ADARB2: variants seen among roughly 807,000 people sequenced by gnomAD.
ADARB2 encodes the protein inactive double-stranded RNA-specific editase B2.
ADARB2 carries 25 observed loss-of-function variants against 62.2 expected under a neutral mutation model. The ratio of observed to expected loss-of-function variants is 0.40; its 90% CI spans 0.29 to 0.56. The LOEUF is 0.56. Among genes scored for constraint, ADARB2 ranks in the 20% least tolerant of loss-of-function variants. ADARB2 has a pLI of 0.43. For synonymous variants in ADARB2, 572 were observed against 500.8 expected, an observed-to-expected ratio of 1.14 and a Z score of -1.90; for missense variants, 1,071 against 1,077.4, an observed-to-expected ratio of 0.99 and a Z score of 0.08.
chr10:1,218,843 G>T (rs1830655810), intron 6 of ADARB2, among the ~76,000 whole-genome samples: 1 of 151,596 alleles, frequency 6.6e-6, no homozygotes. Context: ...AGGAGATTGA[G>T]ATCATCTTGG....
At chr10:1,692,539 G>A (rs1306018648) in intron 1 of ADARB2, among the ~76,000 whole-genome samples, 1 of 152,168 alleles carries the variant, frequency 6.6e-6, no homozygotes, top group African/African-American at 2.4e-5. Flanking sequence ...GAAAAGGCTG[G>A]CAGACTACGG....
intron 3 of ADARB2, among the ~76,000 whole-genome samples, chr10:1,336,108 T>C (rs1831973367): frequency 6.6e-6 from 1 of 152,250 alleles, no homozygotes; most frequent in African/African-American, 2.4e-5. Context: ...TTCGAATTCA[T>C]GGAGTGCATA....
intron 1 of ADARB2, among the ~76,000 whole-genome samples, chr10:1,443,887 G>C (rs775727283): frequency 5.9e-5 from 9 of 152,126 alleles, no homozygotes; most frequent in Non-Finnish European, 1.3e-4. Context: ...TATTCAGCAT[G>C]GGGGAGTACA....
intron 4 of ADARB2, among the ~76,000 whole-genome samples, chr10:1,254,310 C>T (rs1310187545): frequency 2.6e-5 from 4 of 152,146 alleles, no homozygotes; most frequent in Admixed American, 2.0e-4. Flanking sequence ...GGTGACATCA[C>T]CAGAACCGTC....
chr10:1,312,562 T>G (rs1476664947), intron 3 of ADARB2, among the ~76,000 whole-genome samples: 1 of 152,230 alleles, frequency 6.6e-6, no homozygotes, highest in Non-Finnish European at 1.5e-5. Context: ...GTTTACCAGT[T>G]GTTTATAATT....
chr10:1,571,878 G>C (rs975330600), intron 1 of ADARB2, among the ~76,000 whole-genome samples: 3 of 122,342 alleles, frequency 2.5e-5, no homozygotes, highest in Non-Finnish European at 5.1e-5. Context: ...GTGTGCAGGC[G>C]AGTAGGCAGG....
intron 1 of ADARB2, among the ~76,000 whole-genome samples, chr10:1,533,952 C>T (rs141067257): frequency 2.0e-3 from 291 of 147,562 alleles, no homozygotes; most frequent in Non-Finnish European, 2.9e-3. Flanking sequence ...TTCTGATTAT[C>T]AAAACCATAA....
Position 1,426,344 on chromosome 10 carries a change from T to C in ADARB2, c.101-47184A>G, listed in dbSNP as rs1042576246. Among the ~76,000 whole-genome samples, 3 of 152,176 alleles carry C rather than the reference T, an allele frequency of 2.0e-5. No individual in the cohort carries two copies. The highest frequency in any genetic ancestry group is 2.0e-4 in the Admixed American group (3 of 15,278). ...TAAACAGAACAAGGAGAGAACTGCCTTATTCCTGGGCACTGGCCTTTTTAA... is the reference window on the plus strand; with the variant it reads ...TAAACAGAACAAGGAGAGAACTGCCCTATTCCTGGGCACTGGCCTTTTTAA... On this transcript the variant is annotated intron_variant, in intron 1 of 9. Transcript: ENST00000381312. The surrounding 1 kb of genome is among the most constrained non-coding windows in gnomAD (Gnocchi z 4.1).
At chr10:1,391,232 C>A (rs1364260068) in intron 1 of ADARB2, among the ~76,000 whole-genome samples, 2 of 152,016 alleles carry the variant, frequency 1.3e-5, no homozygotes, top group Non-Finnish European at 2.9e-5. Context: ...AAAGCTCCTG[C>A]CCAACAACCA....
At chr10:1,342,575 C>A (rs918041482) in intron 3 of ADARB2, among the ~76,000 whole-genome samples, 3 of 152,170 alleles carry the variant, frequency 2.0e-5, no homozygotes, top group Admixed American at 6.5e-5. Context: ...CCCTGAGATG[C>A]TCTCAGACAT....
intron 3 of ADARB2, among the ~76,000 whole-genome samples, chr10:1,295,095 T>C (rs989876234): frequency 3.9e-5 from 6 of 152,098 alleles, no homozygotes; most frequent in African/African-American, 1.4e-4. Context: ...TCACTTCAGG[T>C]GTGGAAATGC....
At chr10:1,401,327 G>A (rs1832660018) in intron 1 of ADARB2, among the ~76,000 whole-genome samples, 1 of 152,212 alleles carries the variant, frequency 6.6e-6, no homozygotes, top group Non-Finnish European at 1.5e-5. Context: ...GAGCCCTGCG[G>A]GGACCAGGGT....
At chr10:1,309,163 G>C (rs1831661219) in intron 3 of ADARB2, among the ~76,000 whole-genome samples, 1 of 152,218 alleles carries the variant, frequency 6.6e-6, no homozygotes, top group Non-Finnish European at 1.5e-5. Flanking sequence ...GTCTGAGGTT[G>C]CCTCTAGGGG....
chr10:1,261,835 A>C (rs1019892045), intron 4 of ADARB2, among the ~76,000 whole-genome samples: 1 of 150,042 alleles, frequency 6.7e-6, no homozygotes, highest in African/African-American at 2.5e-5. Context: ...ATAAAGACAC[A>C]TGCACACGTA....
chr10:1,560,944 G>T (rs1016781370), intron 1 of ADARB2, among the ~76,000 whole-genome samples: 1 of 152,100 alleles, frequency 6.6e-6, no homozygotes, highest in Non-Finnish European at 1.5e-5. Context: ...CTCCAGTGAG[G>T]GCCTCGTGTA....
chr10:1,598,969 G>T (rs927269883), intron 1 of ADARB2, among the ~76,000 whole-genome samples: 9 of 152,250 alleles, frequency 5.9e-5, no homozygotes, highest in Non-Finnish European at 1.2e-4. Flanking sequence ...GGACAGAGGC[G>T]CAGCTGCCGG....
intron 1 of ADARB2, among the ~76,000 whole-genome samples, chr10:1,564,562 A>T (rs1420386612): frequency 6.6e-6 from 1 of 152,154 alleles, no homozygotes; most frequent in Non-Finnish European, 1.5e-5. Flanking sequence ...ACAAATTTAC[A>T]AGAAAAAAAC....
rs113430474 is a variant in ADARB2, at chr10:1,539,104, A to T, written c.101-159944T>A. Reference sequence around the variant, plus strand: ...AGTTTCCTCTAGGAGACTGTAGCGGAGGGGAGGCAAGGCCAGAGCGGGTAT... The same window carrying T: ...AGTTTCCTCTAGGAGACTGTAGCGGTGGGGAGGCAAGGCCAGAGCGGGTAT... On this transcript the variant is annotated intron_variant, in intron 1 of 9. Transcript: ENST00000381312. 2.6e-3 allele frequency among the ~76,000 whole-genome samples: 390 copies of T among 152,256 alleles called. 2 individuals are homozygous for T. Among genetic ancestry groups the T allele is most frequent in the African/African-American group, 8.6e-3 (358 of 41,548 alleles).
At chr10:1,506,696 G>A (rs111772517) in intron 1 of ADARB2, among the ~76,000 whole-genome samples, 6 of 152,212 alleles carry the variant, frequency 3.9e-5, no homozygotes, top group African/African-American at 1.4e-4. Context: ...AAAATTAAAT[G>A]TAGGGGAGAA....
Sources: allele counts gnomAD v4.1 joint callset (sites outside exome capture counted in the v4.1 genomes callset), GRCh38; gene constraint gnomAD v4.1.1; non-coding constraint Gnocchi (gnomAD v3.1); transcripts MANE v1.5; gene names NCBI Gene and HGNC (gene_info 2026-07-23, HGNC 2026-07-21).